Variants in RTEL1 observed in about 807,000 individuals in gnomAD.
The protein encoded by RTEL1 is regulator of telomere length.
In RTEL1, 86 loss-of-function variants were observed where a neutral mutation model predicts 162.2. The ratio of observed to expected loss-of-function variants is 0.53; its 90% CI spans 0.45 to 0.63. RTEL1 has a LOEUF of 0.63. Among genes scored for constraint, RTEL1 ranks in the 30% least tolerant of loss-of-function variants. The pLI is 0.00. For synonymous variants in RTEL1, 958 were observed against 717.9 expected, an observed-to-expected ratio of 1.33 and a Z score of -5.35; for missense variants, 1,941 against 1,750.2, an observed-to-expected ratio of 1.11 and a Z score of -1.95.
intron 26 of RTEL1, 42 bp downstream of exon 26, chr20:63,690,483 GA>G: frequency 1.6e-6 from 2 of 1,281,000 alleles, no homozygotes; most frequent in Non-Finnish European, 2.1e-6. Flanking sequence ...GGGGGTGGCG[GA>G]GCGGGCGGCG....
intron 14 of RTEL1, among the ~76,000 whole-genome samples, chr20:63,683,154 T>G (rs2090512236): frequency 6.6e-6 from 1 of 152,180 alleles, no homozygotes; most frequent in South Asian, 2.1e-4. Flanking sequence ...TTTGTAGAGA[T>G]GAGGTCTTGC....
chr20:63,672,618 C>T lies in RTEL1; in HGVS notation c.762C>T (p.Asn254=), dbSNP rs150877719. The change falls in exon 9 of 35, where the codon AAC becomes AAT. Residue 254 remains asparagine, a synonymous_variant. Transcript: ENST00000360203. Reference sequence around the variant, plus strand: ...TCGTGATCTTTGACGAAGCTCACAACGTGGTGAGTCTCCGCTGGCCTCCTA... The same window carrying T: ...TCGTGATCTTTGACGAAGCTCACAATGTGGTGAGTCTCCGCTGGCCTCCTA... ...GTVVIFDEAH[N]VEKMCEESAS... The T allele has an allele frequency of 1.4e-4, 226 of 1,581,304 alleles. 1 individual carries two copies. The African/African-American group carries it at 2.6e-3, about 18-fold the overall frequency.
rs1277250634 is a variant in RTEL1 at position 63,668,335 on chromosome 20, ATATT to A, written c.699+787_699+790del. On this transcript the variant is annotated intron_variant, in intron 8 of 34. Coordinates refer to ENST00000360203, the MANE Select transcript of RTEL1 (RefSeq NM_001283009.2). This position sits in a 1 kb window ranked among gnomAD's most constrained non-coding sequence, Gnocchi z 4.3. ...GTTGGTTCGCTCATTCTCGGGGTGT[ATATT>A]TATTGAGAGCTCATCATGCTGGGTG... Among the ~76,000 whole-genome samples, 1 of 152,062 alleles carries A rather than the reference ATATT, an allele frequency of 6.6e-6. No homozygotes were observed. Among genetic ancestry groups the A allele is most frequent in the Non-Finnish European group, 1.5e-5 (1 of 68,016 alleles).
chr20:63,677,532 G>A (rs1164772290), intron 10 of RTEL1, among the ~76,000 whole-genome samples: 2 of 152,222 alleles, frequency 1.3e-5, no homozygotes, highest in African/African-American at 4.8e-5. Context: ...AGAATTGCTT[G>A]AACCTGGGAC....
chr20:63,689,269 C>G, intron 22 of RTEL1, 137 bp downstream of exon 22: 1 of 939,640 alleles, frequency 1.1e-6, no homozygotes, highest in Non-Finnish European at 1.6e-6. Flanking sequence ...GCTGGCCCTG[C>G]TGGGAGCGTG....
At chr20:63,688,636 T>C in intron 21 of RTEL1, 31 bp downstream of exon 21, 1 of 1,569,312 alleles carries the variant, frequency 6.4e-7, no homozygotes, top group South Asian at 1.1e-5. Context: ...CTGGGCCTGC[T>C]GCCCCCTCGT....
chr20:63,689,014 G>GC (rs748874461), intron 21 of RTEL1, 41 bp from the exon 22 acceptor site: 5 of 1,556,416 alleles, frequency 3.2e-6, no homozygotes, highest in Non-Finnish European at 4.4e-6. Context: ...GAAGGGGCTG[G>GC]GGGGGGGCTC....
intron 12 of RTEL1, among the ~76,000 whole-genome samples, chr20:63,679,245 G>A (rs1601136792): frequency 6.6e-6 from 1 of 152,284 alleles, no homozygotes; most frequent in Middle Eastern, 3.4e-3. Context: ...AGCGTGTTCT[G>A]CCTGAGCGCC....
rs183370009 is a variant in RTEL1 at position 63,669,262 on chromosome 20, C to T, written c.699+1709C>T. Among the ~76,000 whole-genome samples, 32 of 152,322 alleles carry T rather than the reference C, an allele frequency of 2.1e-4. 1 individual carries two copies. Among genetic ancestry groups the T allele is most frequent in the Non-Finnish European group, 4.3e-4 (29 of 68,034 alleles). On this transcript the variant is annotated intron_variant, in intron 8 of 34. Coordinates refer to ENST00000360203, the MANE Select transcript of RTEL1 (RefSeq NM_001283009.2). ...AACAGCTGGATATCTGTTCGGAAAA[C>T]AGTGAATCTTAACTCTTGTTTTACC...
intron 14 of RTEL1, among the ~76,000 whole-genome samples, chr20:63,683,092 G>A (rs1355491058): frequency 6.6e-6 from 1 of 152,150 alleles, no homozygotes; most frequent in East Asian, 1.9e-4. Context: ...GCCACCCGAG[G>A]AGCTGTGAAC....
Position 63,688,312 on chromosome 20 carries a change from C to A in RTEL1, c.1648C>A (p.Arg550Ser). The stretch of plus-strand genomic sequence containing the variant: ...CCCTGCACTTCCAGGCAACATCGCC[C>A]GCGTGGTGCCCTATGGGCTCCTGAT... ...SLGKALGNIA[R>S]VVPYGLLIFF... Residue 550 changes from arginine to serine, a missense_variant, in exon 20 of 35, where the codon CGC becomes AGC. Physicochemically the swap from Arg to Ser is moderately radical, Grantham distance 110 (BLOSUM62 -1). Coordinates refer to ENST00000360203, the MANE Select transcript of RTEL1 (RefSeq NM_001283009.2). 1 of 1,612,396 alleles carries A rather than the reference C, an allele frequency of 6.2e-7. No individual in the cohort carries two copies. The highest frequency in any genetic ancestry group is 8.5e-7 in the Non-Finnish European group (1 of 1,179,928).
chr20:63,690,113 A>C lies in RTEL1; in HGVS notation c.2168A>C (p.Gln723Pro). 1.2e-6 allele frequency: 2 copies of C among 1,612,194 alleles called. No individual in the cohort carries two copies. The highest frequency in any genetic ancestry group is 1.7e-6 in the Non-Finnish European group (2 of 1,179,810). Reference protein sequence around the residue: ...HRFAFADARAQLPSWVRPHVR... With the variant: ...HRFAFADARAPLPSWVRPHVR... ...TTCGCCTTTGCCGACGCAAGAGCCC[A>C]ACTGCCCTCCTGGGTGCGTCCCCAC... The change falls in exon 25 of 35, where the codon CAA (glutamine) becomes CCA (proline). Residue 723 changes from glutamine to proline, a missense_variant. Coordinates refer to ENST00000360203, the MANE Select transcript of RTEL1 (RefSeq NM_001283009.2).
Position 63,678,275 on chromosome 20 carries a change from G to A in RTEL1, c.966G>A (p.Leu322=). ...LEDIAKLKMI[L]LRLEGAIDAV... is the part of the protein sequence containing the mutation. ...CACCTCCTCGACCCACAGTGATCCT[G>A]CTGCGCCTGGAGGGGGCCATCGATG... Residue 322 remains leucine (L), a synonymous_variant, in exon 12 of 35, where the codon CTG becomes CTA. Transcript: ENST00000360203. The A allele has an allele frequency of 6.2e-7, 1 of 1,612,494 alleles. No homozygotes were observed. Among genetic ancestry groups the A allele is most frequent in the South Asian group, 1.1e-5 (1 of 90,958 alleles).
intron 12 of RTEL1, among the ~76,000 whole-genome samples, 192 bp from the exon 13 acceptor site, chr20:63,679,657 A>G (rs1274903312): frequency 1.3e-5 from 2 of 152,032 alleles, no homozygotes; most frequent in African/African-American, 2.4e-5. Context: ...AAACTTCCAC[A>G]GTTGTTGCCT....
chr20:63,680,958 A>T (rs2090466473), intron 14 of RTEL1: 9 of 985,254 alleles, frequency 9.1e-6, no homozygotes, highest in Non-Finnish European at 1.1e-5. Flanking sequence ...CTGGTGAGGG[A>T]GGACGCAAAG....
Position 63,694,663 on chromosome 20 carries a change from G to A in RTEL1, c.3110-78G>A, listed in dbSNP as rs1045206767. ...CTGAGCAGCTCTCCAGGAGTTCCTG[G>A]AGGAAGGGCGGGCAGGGCGGTGGGA... is the stretch of plus-strand genomic sequence containing the variant. On this transcript the variant is annotated intron_variant, in intron 31 of 34. Transcript: ENST00000360203. The A allele has an allele frequency of 2.9e-5, 40 of 1,362,800 alleles. 1 individual carries two copies. In the South Asian group the frequency reaches 3.8e-4, roughly 13 times the overall value. 84.4% of individuals were successfully genotyped at this position (1,362,800 alleles called of 1,614,324 possible).
chr20:63,691,891 G>A (rs1458284455), intron 28 of RTEL1, 54 bp downstream of exon 28: 91 of 1,461,772 alleles, frequency 6.2e-5, no homozygotes, highest in Non-Finnish European at 7.9e-5. Flanking sequence ...GCATGGGAAC[G>A]CAGCCGTGGG....
intron 28 of RTEL1, 33 bp from the exon 29 acceptor site, chr20:63,692,772 G>T: frequency 6.3e-7 from 1 of 1,594,996 alleles, no homozygotes. Context: ...GATGAGGCTG[G>T]CCCTGATGGA....
intron 10 of RTEL1, 83 bp downstream of exon 10, chr20:63,674,176 C>G: frequency 6.6e-7 from 1 of 1,522,760 alleles, no homozygotes; most frequent in Admixed American, 2.0e-5. Context: ...ACGGACTCCC[C>G]CAGCCCAGGT....
Sources: allele counts gnomAD v4.1 joint callset (sites outside exome capture counted in the v4.1 genomes callset), GRCh38; gene constraint gnomAD v4.1.1; non-coding constraint Gnocchi (gnomAD v3.1); transcripts MANE v1.5; gene names NCBI Gene and HGNC (gene_info 2026-07-23, HGNC 2026-07-21).